Variants in INTS8 observed in about 807,000 individuals in gnomAD.
INTS8 encodes the protein protein kaonashi-1.
INTS8 carries 47 observed loss-of-function variants against 138.9 expected under a neutral mutation model. The ratio of observed to expected loss-of-function variants is 0.34; its 90% confidence interval spans 0.27 to 0.43. The LOEUF is 0.43. Ranked by LOEUF, INTS8 falls within the 20% of genes least tolerant of loss-of-function variation. The pLI, the probability that INTS8 is intolerant of heterozygous loss-of-function variation, is 1.00. For missense variants in INTS8, 996 were observed against 1,173.0 expected, an observed-to-expected ratio of 0.85 and a Z score of 2.20; for synonymous variants, 392 against 400.9, an observed-to-expected ratio of 0.98 and a Z score of 0.27.
intron 20 of INTS8, among the ~76,000 whole-genome samples, chr8:94,869,864 G>A (rs1328531407): frequency 6.6e-6 from 1 of 152,082 alleles, no homozygotes; most frequent in African/African-American, 2.4e-5. Flanking sequence ...TTGGTTTCCA[G>A]CGTGTTTGTA....
chr8:94,841,580 A>G lies in INTS8; in HGVS notation c.1107A>G (p.Lys369=), dbSNP rs759647740. The change falls in exon 9 of 27, where the codon AAA becomes AAG. Residue 369 remains lysine, a synonymous_variant. Coordinates refer to ENST00000523731, the MANE Select transcript of INTS8 (RefSeq NM_017864.4). ...CAGTCCTAAGAGAACTCTTTAAGAA[A>G]GCTCAACAGGGGTAAGTAAGTTGAA... ...RQSVLRELFK[K]AQQGNEALDE... 1.3e-5 allele frequency: 21 copies of G among 1,569,124 alleles called. No homozygotes were observed. In the East Asian group the frequency reaches 4.7e-4, roughly 35 times the overall value.
At chr8:94,832,410 CAG>C (rs1366758444) in intron 6 of INTS8, among the ~76,000 whole-genome samples, 1 of 152,140 alleles carries the variant, frequency 6.6e-6, no homozygotes, top group Non-Finnish European at 1.5e-5. Context: ...ATTTAGGAGA[CAG>C]AGTTTAAGTA....
intron 8 of INTS8, among the ~76,000 whole-genome samples, chr8:94,841,191 G>C (rs1408547463): frequency 6.6e-6 from 1 of 152,044 alleles, no homozygotes; most frequent in Non-Finnish European, 1.5e-5. Flanking sequence ...GATTACAAGC[G>C]TGAGCCACCA....
Position 94,832,150 on chromosome 8 carries a change from C to T in INTS8, c.729C>T (p.Val243=). The change falls in exon 6 of 27, where the codon GTC becomes GTT. Residue 243 remains valine (V), a synonymous_variant. Coordinates refer to ENST00000523731, the MANE Select transcript of INTS8 (RefSeq NM_017864.4). The part of the protein sequence containing the change: ...ETESSTAGLK[V]KTEEMQCQVC... ...AGAGTTCTACTGCTGGATTGAAAGT[C>T]AAAACCGAAGAAATGCAGTGCCAGG... 3 of 1,611,942 alleles carry T rather than the reference C, an allele frequency of 1.9e-6. No homozygotes were observed. Among genetic ancestry groups the T allele is most frequent in the Non-Finnish European group, 2.5e-6 (3 of 1,179,540 alleles).
At chr8:94,836,366 T>C (rs1225067971) in intron 6 of INTS8, among the ~76,000 whole-genome samples, 158 bp from the exon 7 acceptor site, 1 of 152,238 alleles carries the variant, frequency 6.6e-6, no homozygotes, top group Non-Finnish European at 1.5e-5. Context: ...TTTATGTTGC[T>C]TGTGACTAAG....
Position 94,836,291 on chromosome 8 carries a change from A to G in INTS8, c.754-233A>G, listed in dbSNP as rs532528638. On this transcript the variant is annotated intron_variant, in intron 6 of 26. Coordinates refer to ENST00000523731, the MANE Select transcript of INTS8 (RefSeq NM_017864.4). ...AGTCAGATTCTTTAGCCTTTTTAAT[A>G]ATTCTGTAGGCGACCTAAAATCTAC... Among the ~76,000 whole-genome samples, 4 of 152,176 alleles carry G rather than the reference A, an allele frequency of 2.6e-5. No homozygotes were observed. In the East Asian group the frequency reaches 7.7e-4, roughly 29 times the overall value.
intron 16 of INTS8, among the ~76,000 whole-genome samples, chr8:94,861,448 T>A (rs1409799846): frequency 3.3e-5 from 5 of 151,166 alleles, no homozygotes; most frequent in Non-Finnish European, 4.4e-5. Context: ...TTTTTAGTGG[T>A]GACGGGGTTT....
chr8:94,861,935 C>T (rs902896301), intron 16 of INTS8, among the ~76,000 whole-genome samples: 7 of 151,742 alleles, frequency 4.6e-5, no homozygotes, highest in Non-Finnish European at 1.0e-4. Flanking sequence ...GACATTGAAT[C>T]ATATCTATCT....
At position 94,832,180 on chromosome 8, in the gene INTS8, C is replaced by T. The variant is rs910441386; in HGVS notation, c.753+6C>T. 6.2e-7 allele frequency: 1 copy of T among 1,603,890 alleles called. No homozygotes were observed. The highest frequency in any genetic ancestry group is 8.5e-7 in the Non-Finnish European group (1 of 1,176,992). On this transcript the variant is annotated splice_donor_region_variant and intron_variant, in intron 6 of 26. Transcript: ENST00000523731. ...CCGAAGAAATGCAGTGCCAGGTATT[C>T]ATTTGATACTTAATTTACGTAGGGC...
chr8:94,861,817 C>T (rs749519877), intron 16 of INTS8, among the ~76,000 whole-genome samples: 4 of 152,192 alleles, frequency 2.6e-5, no homozygotes, highest in Non-Finnish European at 5.9e-5. Context: ...TCCCAAAGTG[C>T]TGGGATTACA....
In INTS8 at chr8:94,823,427, G is replaced by A; in HGVS notation, c.-5G>A. ...GGCCCTGGTGGTAGCGGCGGCGGGG[G>A]CAGGATGAGCGCGGAGGCGGCGGAC... On this transcript the variant is annotated 5_prime_UTR_variant, in exon 1 of 27. Coordinates refer to ENST00000523731, the MANE Select transcript of INTS8 (RefSeq NM_017864.4). The A allele has an allele frequency of 6.6e-7, 1 of 1,524,580 alleles. No homozygotes were observed. The highest frequency in any genetic ancestry group is 1.4e-5 in the African/African-American group (1 of 72,498). The allele number at this position is 1,524,580 out of a possible 1,614,324, so 94.4% of individuals were successfully genotyped here. A position where few individuals can be genotyped will look rare whatever the true frequency, so the allele number is the denominator to read the frequency against.
chr8:94,865,824 C>A (rs189162140), intron 17 of INTS8, 134 bp downstream of exon 17: 6 of 846,744 alleles, frequency 7.1e-6, no homozygotes, highest in Non-Finnish European at 1.1e-5. Context: ...GACAATCTTA[C>A]GAGTTCTGTA....
At chr8:94,870,092 C>T (rs1288018453) in intron 20 of INTS8, among the ~76,000 whole-genome samples, 1 of 151,166 alleles carries the variant, frequency 6.6e-6, no homozygotes, top group Non-Finnish European at 1.5e-5. Flanking sequence ...TGCTATGTCA[C>T]CCAGGCTGGA....
chr8:94,850,485 G>C (rs535668301), intron 12 of INTS8, among the ~76,000 whole-genome samples: 6 of 152,074 alleles, frequency 3.9e-5, no homozygotes, highest in African/African-American at 1.5e-4. Context: ...GGTGGTGGGC[G>C]CCTGTAGTCC....
Position 94,851,703 on chromosome 8 carries a change from G to A in INTS8, c.1641+17G>A, listed in dbSNP as rs138860563. 3.6e-4 allele frequency: 565 copies of A among 1,555,148 alleles called. 4 individuals carry two copies. The highest frequency in any genetic ancestry group is 2.1e-3 in the Admixed American group (93 of 43,854). On this transcript the variant is annotated intron_variant, in intron 13 of 26. Transcript: ENST00000523731. Reference sequence around the variant, plus strand: ...TCTAATAAGGTAAACCCTATGTCAAGAACAGATAAGAAAATTGCCCTTGTT... The same window carrying A: ...TCTAATAAGGTAAACCCTATGTCAAAAACAGATAAGAAAATTGCCCTTGTT...
chr8:94,881,428 T>C lies in INTS8; in HGVS notation c.*1194T>C. The stretch of plus-strand genomic sequence containing the variant: ...AGACATCTTTGTAAACAAGTCCTGC[T>C]GTTTCTTTAACAGCTAACATAGGAA... On this transcript the variant is annotated 3_prime_UTR_variant, in exon 27 of 27. Transcript: ENST00000523731. The C allele has an allele frequency of 1.8e-6, 1 of 553,926 alleles. No homozygotes were observed. Among genetic ancestry groups the C allele is most frequent in the Non-Finnish European group, 3.1e-6 (1 of 318,688 alleles). The allele number at this position is 553,926 out of a possible 1,614,324, so 34.3% of individuals were successfully genotyped here. A position where few individuals can be genotyped will look rare whatever the true frequency, so the allele number is the denominator to read the frequency against.
At chr8:94,860,793 C>T (rs963122719) in intron 16 of INTS8, among the ~76,000 whole-genome samples, 3 of 151,822 alleles carry the variant, frequency 2.0e-5, no homozygotes, top group Non-Finnish European at 4.4e-5. Flanking sequence ...CAGTGGCTCA[C>T]GCCTGCAATC....
At position 94,876,479 on chromosome 8, in the gene INTS8, G is replaced by C. The variant is rs2131079490; in HGVS notation, c.2861G>C (p.Arg954Thr). 1 of 1,555,520 alleles carries C rather than the reference G, an allele frequency of 6.4e-7. No homozygotes were observed. The highest frequency in any genetic ancestry group is 1.2e-5 in the South Asian group (1 of 86,892). Reference protein sequence around the residue: ...LHHKRGETDKRQIAIKAIGQT... With the variant: ...LHHKRGETDKTQIAIKAIGQT... Reference sequence around the variant, plus strand: ...CATAAAAGAGGAGAAACAGATAAAAGACAAATTGCAGTAAGTTACCTTATG... The same window carrying C: ...CATAAAAGAGGAGAAACAGATAAAACACAAATTGCAGTAAGTTACCTTATG... Residue 954 changes from arginine (R) to threonine (T), a missense_variant, in exon 26 of 27, where the codon AGA becomes ACA. Physicochemically the swap from Arg to Thr is moderately conservative, Grantham distance 71. Transcript: ENST00000523731.
intron 16 of INTS8, among the ~76,000 whole-genome samples, chr8:94,862,107 G>GT (rs996761535): frequency 1.2e-4 from 18 of 150,914 alleles, no homozygotes; most frequent in African/African-American, 3.6e-4. Flanking sequence ...CACCCGGGTA[G>GT]TTTTTTTTTG....
Sources: allele counts gnomAD v4.1 joint callset (sites outside exome capture counted in the v4.1 genomes callset), GRCh38; gene constraint gnomAD v4.1.1; transcripts MANE v1.5; gene names NCBI Gene and HGNC (gene_info 2026-07-23, HGNC 2026-07-21).